Variants in ANKRD12 observed in about 807,000 individuals in gnomAD.
The protein encoded by ANKRD12 is ankyrin repeat domain 12.
ANKRD12 carries 85 observed loss-of-function variants against 183.4 expected under a neutral mutation model. The observed-to-expected ratio is 0.46, with a 90% confidence interval of 0.39 to 0.56. The LOEUF (loss-of-function observed/expected upper bound fraction) is 0.56, where lower values mean the gene tolerates loss of function less well. ANKRD12 is among the 20% of genes least tolerant of loss of function. The pLI is 0.00. For missense variants in ANKRD12, 2,405 were observed against 2,357.1 expected (o/e 1.02, Z -0.42); for synonymous variants, 914 against 800.2 (o/e 1.14, Z -2.40).
chr18:9,275,938 T>C (rs2039813195), intron 11 of ANKRD12, among the ~76,000 whole-genome samples: 1 of 152,236 alleles, frequency 6.6e-6, no homozygotes, highest in Non-Finnish European at 1.5e-5. Flanking sequence ...ATAATTTGTT[T>C]CTAAAGTGAA....
At chr18:9,224,298 G>A (rs542770440) in intron 8 of ANKRD12, among the ~76,000 whole-genome samples, 3 of 152,094 alleles carry the variant, frequency 2.0e-5, no homozygotes, top group Non-Finnish European at 4.4e-5. Flanking sequence ...ACTGAAAGAG[G>A]GATATGAAAG....
At chr18:9,243,011 G>T (rs1181081110) in intron 8 of ANKRD12, among the ~76,000 whole-genome samples, 2 of 152,248 alleles carry the variant, frequency 1.3e-5, no homozygotes, top group African/African-American at 4.8e-5. Context: ...ATTTAGAAGA[G>T]ACTCTGTAAA....
chr18:9,272,723 T>C lies in ANKRD12; in HGVS notation c.5764-2801T>C, dbSNP rs775426467. On this transcript the variant is annotated intron_variant, in intron 10 of 12. Transcript: ENST00000262126. ...ATCAAGGTTTTGGATATGTATTACT[T>C]CAAGTTGCACTTTAAATTGTACTTA... Among the ~76,000 whole-genome samples, 51 of 152,220 alleles carry C rather than the reference T, an allele frequency of 3.4e-4. 1 individual carries two copies. Among genetic ancestry groups the C allele is most frequent in the Non-Finnish European group, 7.3e-5 (5 of 68,038 alleles).
In ANKRD12 at chr18:9,255,297, A is replaced by G. The variant is rs370937545; in HGVS notation, c.2030A>G (p.Lys677Arg). The G allele has an allele frequency of 2.1e-5, 33 of 1,581,146 alleles. No individual in the cohort carries two copies. Among genetic ancestry groups the G allele is most frequent in the Admixed American group, 4.0e-5 (2 of 49,482 alleles). Residue 677 changes from lysine to arginine, a missense_variant, in exon 9 of 13, where the codon AAA becomes AGA. Lys to Arg is a conservative substitution (Grantham distance 26, BLOSUM62 2). This residue lies in a region of ANKRD12 where 1,983 missense variants were observed against 1,725.9 expected (regional missense o/e 1.15). Coordinates refer to ENST00000262126, the MANE Select transcript of ANKRD12 (RefSeq NM_015208.5). ...ATTGAAGGTGAAAAGGAAAAATACAAAACTAAGGATAGTGCCAAAGAACTG... is the reference window on the plus strand; with the variant it reads ...ATTGAAGGTGAAAAGGAAAAATACAGAACTAAGGATAGTGCCAAAGAACTG... ...KEIEGEKEKY[K>R]TKDSAKELQR...
chr18:9,228,382 C>A (rs1007533218), intron 8 of ANKRD12, among the ~76,000 whole-genome samples: 2 of 152,046 alleles, frequency 1.3e-5, no homozygotes, highest in East Asian at 3.8e-4. Flanking sequence ...TTTTAATTTT[C>A]TGAGAAATCT....
chr18:9,170,626 C>CT (rs1192679159), intron 1 of ANKRD12, among the ~76,000 whole-genome samples: 1 of 151,918 alleles, frequency 6.6e-6, no homozygotes, highest in Non-Finnish European at 1.5e-5. Context: ...TTTTTCAAAG[C>CT]TTTTAACTTC....
chr18:9,255,701 G>C lies in ANKRD12; in HGVS notation c.2434G>C (p.Glu812Gln), dbSNP rs1467742281. ...VEKEIDIEKQ[E>Q]KHIKESKEKP... ...AAAGGAAATAGACATTGAAAAACAA[G>C]AAAAGCATATAAAGGAAAGTAAAGA... Residue 812 changes from glutamate to glutamine, a missense_variant, in exon 9 of 13, where the codon GAA (glutamate) becomes CAA (glutamine). By Grantham distance (29) the Glu-to-Gln change is conservative (BLOSUM62 2). This residue lies in a region of ANKRD12 where 1,983 missense variants were observed against 1,725.9 expected (regional missense o/e 1.15). Transcript: ENST00000262126. 6.3e-7 allele frequency: 1 copy of C among 1,596,224 alleles called. No homozygotes were observed. Among genetic ancestry groups the C allele is most frequent in the African/African-American group, 1.4e-5 (1 of 73,594 alleles).
chr18:9,207,139 A>G (rs1253431619), intron 4 of ANKRD12, among the ~76,000 whole-genome samples: 1 of 152,124 alleles, frequency 6.6e-6, no homozygotes, highest in Non-Finnish European at 1.5e-5. Flanking sequence ...GAACCAAGAT[A>G]TGCAGAAAAT....
chr18:9,263,778 C>CT lies in ANKRD12; in HGVS notation c.5665-7dup. On this transcript the variant is annotated splice_polypyrimidine_tract_variant and intron_variant, in intron 9 of 12. Transcript: ENST00000262126. ...ACCTAATATTTTAAACTATATATAT[C>CT]TTTTTAATTAGATTACACCACCACC... 6.5e-7 allele frequency: 1 copy of CT among 1,527,670 alleles called. No individual in the cohort carries two copies. The highest frequency in any genetic ancestry group is 8.9e-7 in the Non-Finnish European group (1 of 1,129,358). 94.6% of individuals were successfully genotyped at this position (1,527,670 alleles called of 1,614,324 possible).
chr18:9,222,727 C>T (rs2036490282), intron 8 of ANKRD12, among the ~76,000 whole-genome samples: 1 of 152,098 alleles, frequency 6.6e-6, no homozygotes, highest in African/African-American at 2.4e-5. Flanking sequence ...CAGCCATTGC[C>T]AGAAGGCAAT....
intron 2 of ANKRD12, among the ~76,000 whole-genome samples, chr18:9,186,900 C>CAT (rs2034115304): frequency 6.6e-6 from 1 of 151,670 alleles, no homozygotes; most frequent in Non-Finnish European, 1.5e-5. Context: ...TACAGGTGCC[C>CAT]GCCACCGCAC....
At chr18:9,153,188 G>A (rs764945911) in intron 1 of ANKRD12, among the ~76,000 whole-genome samples, 1 of 151,970 alleles carries the variant, frequency 6.6e-6, no homozygotes, top group Non-Finnish European at 1.5e-5. Context: ...TTTCAAACAG[G>A]GTATTTACAT....
chr18:9,149,272 C>T (rs2078598871), intron 1 of ANKRD12, among the ~76,000 whole-genome samples: 1 of 152,086 alleles, frequency 6.6e-6, no homozygotes, highest in Non-Finnish European at 1.5e-5. Flanking sequence ...TTAATAAATG[C>T]TAAGTGATAG....
At chr18:9,167,965 A>T (rs1005088274) in intron 1 of ANKRD12, among the ~76,000 whole-genome samples, 15 of 152,154 alleles carry the variant, frequency 9.9e-5, no homozygotes, top group Non-Finnish European at 1.8e-4. Flanking sequence ...TTCTGCCTCT[A>T]TTGAGATAAT....
intron 11 of ANKRD12, among the ~76,000 whole-genome samples, chr18:9,278,441 A>G (rs1217255979): frequency 1.3e-4 from 20 of 152,242 alleles, no homozygotes; most frequent in Admixed American, 1.2e-3. Flanking sequence ...AGAGTCAACA[A>G]TAACATTTTA....
chr18:9,284,666 T>G lies in ANKRD12; in HGVS notation c.*3540T>G, dbSNP rs1163292638. The G allele has an allele frequency of 2.6e-5, 4 of 151,266 alleles. No individual in the cohort carries two copies. Among genetic ancestry groups the G allele is most frequent in the Admixed American group, 6.6e-5 (1 of 15,214 alleles). The allele number at this position is 151,266 out of a possible 1,614,324, so 9.4% of individuals were successfully genotyped here. On this transcript the variant is annotated 3_prime_UTR_variant, in exon 13 of 13. Coordinates refer to ENST00000262126, the MANE Select transcript of ANKRD12 (RefSeq NM_015208.5). ...GCCGTCTTTGTACCTAAAATGGAGT[T>G]TTTTTTTAAGCCTCCACAGAGATAG...
At chr18:9,154,350 T>G (rs2143636118) in intron 1 of ANKRD12, among the ~76,000 whole-genome samples, 1 of 152,240 alleles carries the variant, frequency 6.6e-6, no homozygotes, top group South Asian at 2.1e-4. Flanking sequence ...CACTTGAGAC[T>G]GCAGTGCACC....
chr18:9,274,664 A>G (rs1392462812), intron 10 of ANKRD12, among the ~76,000 whole-genome samples: 2 of 152,202 alleles, frequency 1.3e-5, no homozygotes, highest in East Asian at 3.9e-4. Context: ...CCACTATTTT[A>G]TACCACCATA....
intron 1 of ANKRD12, among the ~76,000 whole-genome samples, chr18:9,174,142 A>G (rs563781902): frequency 3.5e-4 from 54 of 152,210 alleles, no homozygotes; most frequent in Non-Finnish European, 6.8e-4. Flanking sequence ...GACCACCTGG[A>G]TTCTTGGGAG....
Sources: allele counts gnomAD v4.1 joint callset (sites outside exome capture counted in the v4.1 genomes callset), GRCh38; gene constraint gnomAD v4.1.1; regional missense constraint gnomAD v4.1.1; transcripts MANE v1.5; gene names NCBI Gene and HGNC (gene_info 2026-07-23, HGNC 2026-07-21).